Variants in ITGB3BP observed in about 807,000 individuals in gnomAD.
The protein encoded by ITGB3BP is integrin subunit beta 3 binding protein.
Under a neutral mutation model 29.1 loss-of-function variants are expected in ITGB3BP, and 27 were observed. The ratio of observed to expected loss-of-function variants is 0.93; its 90% CI spans 0.68 to 1.28. ITGB3BP has a LOEUF of 1.28. Ranked by LOEUF, ITGB3BP falls within the 50% of genes most tolerant of loss-of-function variation. ITGB3BP has a pLI of 0.00. For missense variants in ITGB3BP, 192 were observed against 200.2 expected (o/e 0.96, Z 0.25); for synonymous variants, 61 against 61.4 (o/e 0.99, Z 0.03).
chr1:63,482,911 C>T (rs1385237525), intron 3 of ITGB3BP, among the ~76,000 whole-genome samples: 6 of 152,082 alleles, frequency 3.9e-5, no homozygotes, highest in Non-Finnish European at 8.8e-5. Context: ...GCCTCAGCCC[C>T]CCAAAGTGCT....
chr1:63,527,555 G>A (rs1372217841), upstream of ITGB3BP, among the ~76,000 whole-genome samples: 1 of 152,056 alleles, frequency 6.6e-6, no homozygotes, highest in Non-Finnish European at 1.5e-5. Context: ...GAACTTTAAA[G>A]TAAACCCTGG....
chr1:63,488,191 T>C (rs1006759267), intron 3 of ITGB3BP, among the ~76,000 whole-genome samples: 1 of 152,022 alleles, frequency 6.6e-6, no homozygotes, highest in African/African-American at 2.4e-5. Flanking sequence ...TACATATAAA[T>C]ATCTGGAGGA....
chr1:63,466,759 C>T (rs1269760893), intron 4 of ITGB3BP, among the ~76,000 whole-genome samples: 1 of 152,196 alleles, frequency 6.6e-6, no homozygotes, highest in Non-Finnish European at 1.5e-5. Flanking sequence ...AAGCTACAGA[C>T]TAGTTTTAAC....
At chr1:63,455,081 T>C in intron 4 of ITGB3BP, 113 bp from the exon 5 acceptor site, 1 of 596,962 alleles carries the variant, frequency 1.7e-6, no homozygotes, top group South Asian at 2.2e-5. Context: ...TCTTTCATTC[T>C]TTACAAACAC....
At chr1:63,496,167 A>G (rs1016088511) in intron 2 of ITGB3BP, among the ~76,000 whole-genome samples, 5 of 150,332 alleles carry the variant, frequency 3.3e-5, no homozygotes, top group African/African-American at 1.2e-4. Context: ...ATCACGGCTC[A>G]CTGCAACGTC....
intron 3 of ITGB3BP, among the ~76,000 whole-genome samples, chr1:63,482,643 A>C (rs976710245): frequency 6.7e-6 from 1 of 149,312 alleles, no homozygotes; most frequent in Admixed American, 6.7e-5. Flanking sequence ...AAAAATAACA[A>C]TGTTAATTTT....
At chr1:63,453,876 T>C (rs1224343745) in intron 7 of ITGB3BP, 42 bp downstream of exon 7, 1 of 1,197,940 alleles carries the variant, frequency 8.3e-7, no homozygotes, top group African/African-American at 1.5e-5. Context: ...CAAAATGGGA[T>C]GAAAGCATCT....
chr1:63,448,276 ATATG>A (rs1644815775), intron 7 of ITGB3BP, among the ~76,000 whole-genome samples: 1 of 150,640 alleles, frequency 6.6e-6, no homozygotes, highest in Admixed American at 6.6e-5. Flanking sequence ...ACATGTATAC[ATATG>A]TAACTAACCT....
chr1:63,464,673 T>C (rs550221831), intron 4 of ITGB3BP, among the ~76,000 whole-genome samples: 243 of 152,306 alleles, frequency 1.6e-3, no homozygotes, highest in African/African-American at 5.7e-3. Flanking sequence ...AAAGTATTTA[T>C]TAATTACAAA....
chr1:63,493,992 A>G (rs1448090575), intron 2 of ITGB3BP, among the ~76,000 whole-genome samples: 1 of 152,220 alleles, frequency 6.6e-6, no homozygotes, highest in Non-Finnish European at 1.5e-5. Context: ...TATTTAGGCT[A>G]TTGGAGTGTC....
intron 2 of ITGB3BP, among the ~76,000 whole-genome samples, chr1:63,506,814 C>A (rs1049644628): frequency 1.3e-5 from 2 of 152,170 alleles, no homozygotes; most frequent in Non-Finnish European, 2.9e-5. Flanking sequence ...GGTAAAATGA[C>A]CACAAAGTTA....
chr1:63,526,421 C>G (rs1159870974), upstream of ITGB3BP, among the ~76,000 whole-genome samples: 1 of 152,088 alleles, frequency 6.6e-6, no homozygotes, highest in Non-Finnish European at 1.5e-5. Flanking sequence ...AGGCTAATAA[C>G]TTTATGGGTA....
upstream of ITGB3BP, among the ~76,000 whole-genome samples, chr1:63,527,404 T>G (rs753115776): frequency 1.4e-4 from 21 of 148,826 alleles, no homozygotes; most frequent in Non-Finnish European, 3.1e-4. Flanking sequence ...AGCTGCTGCT[T>G]CTTGCTACAC....
chr1:63,459,544 T>C (rs947938771), intron 4 of ITGB3BP, among the ~76,000 whole-genome samples: 1 of 152,150 alleles, frequency 6.6e-6, no homozygotes, highest in East Asian at 1.9e-4. Context: ...AGTTGAATTA[T>C]GAAAACAATG....
intron 1 of ITGB3BP, among the ~76,000 whole-genome samples, chr1:63,512,834 A>T (rs1646230001): frequency 6.6e-6 from 1 of 152,216 alleles, no homozygotes; most frequent in Non-Finnish European, 1.5e-5. Flanking sequence ...TATGCTTGTG[A>T]GATTCTTAGA....
chr1:63,505,450 C>T (rs1299566403), intron 2 of ITGB3BP, among the ~76,000 whole-genome samples: 8 of 151,756 alleles, frequency 5.3e-5, no homozygotes, highest in Non-Finnish European at 8.8e-5. Context: ...TGTTGATCTT[C>T]TCAAAAAACC....
intron 2 of ITGB3BP, among the ~76,000 whole-genome samples, chr1:63,501,775 T>C (rs770542476): frequency 1.4e-4 from 21 of 152,092 alleles, no homozygotes; most frequent in Admixed American, 2.6e-4. Context: ...GGTAAGACGA[T>C]TGCTTGAGCC....
intron 4 of ITGB3BP, among the ~76,000 whole-genome samples, chr1:63,467,224 T>C (rs1645113439): frequency 1.5e-5 from 1 of 67,008 alleles, no homozygotes; most frequent in South Asian, 7.2e-4. Context: ...TAGAAACTTG[T>C]TTTGTAGTAG....
At chr1:63,521,814 G>GT (rs1557661872) in intron 1 of ITGB3BP, among the ~76,000 whole-genome samples, 1 of 152,152 alleles carries the variant, frequency 6.6e-6, no homozygotes, top group Non-Finnish European at 1.5e-5. Context: ...ACTTTTCATA[G>GT]TTTTTTGGTT....
Sources: gnomAD v4.1 joint callset for allele counts (sites outside exome capture counted in the v4.1 genomes callset) on GRCh38, gnomAD v4.1.1 for gene constraint, MANE v1.5 for transcripts, NCBI Gene and HGNC (gene_info 2026-07-23, HGNC 2026-07-21) for gene names.